MAF: variants seen among roughly 807,000 people sequenced by gnomAD.
The protein encoded by MAF is transcription factor Maf.
In MAF, 10 loss-of-function variants were observed where a neutral mutation model predicts 22.0. The ratio of observed to expected loss-of-function variants is 0.45; its 90% confidence interval spans 0.28 to 0.77. The LOEUF is 0.77. Ranked by LOEUF, MAF falls within the 30% of genes least tolerant of loss-of-function variation. The probability of loss-of-function intolerance (pLI) is 0.12; values close to 1 mark genes in which losing one functional copy is unlikely to be tolerated. For synonymous variants in MAF, 337 were observed against 255.8 expected (o/e 1.32, Z -3.03); for missense variants, 544 against 548.4 (o/e 0.99, Z 0.08).
chr16:79,544,642 C>T, the MAF span, among the ~76,000 whole-genome samples: 193 of 151,796 alleles, frequency 1.3e-3, 1 homozygote, highest in African/African-American at 4.1e-3. Flanking sequence ...GGCGTGGTGG[C>T]AGGTACCTGT....
chr16:79,262,258 A>T, the MAF span, among the ~76,000 whole-genome samples: 1 of 152,188 alleles, frequency 6.6e-6, no homozygotes, highest in Non-Finnish European at 1.5e-5. Context: ...GCCAGTAGGT[A>T]TCGTCACTGG....
At chr16:79,393,942 G>A in the MAF span, among the ~76,000 whole-genome samples, 1 of 152,174 alleles carries the variant, frequency 6.6e-6, no homozygotes, top group East Asian at 1.9e-4. Context: ...CCATGTGCCA[G>A]GTACAGTGCA....
At chr16:79,503,332 C>A in the MAF span, among the ~76,000 whole-genome samples, 4 of 152,060 alleles carry the variant, frequency 2.6e-5, no homozygotes, top group Non-Finnish European at 4.4e-5. Context: ...AACCACAAAG[C>A]GACCATCATT....
At chr16:79,300,164 A>G in the MAF span, among the ~76,000 whole-genome samples, 1 of 152,244 alleles carries the variant, frequency 6.6e-6, no homozygotes, top group African/African-American at 2.4e-5. Context: ...ATAATGGCTA[A>G]TGATTGTTTC....
chr16:79,550,577 G>C, the MAF span, among the ~76,000 whole-genome samples: 12 of 152,272 alleles, frequency 7.9e-5, no homozygotes, highest in African/African-American at 2.6e-4. Flanking sequence ...ATGCAAAAAG[G>C]AGAGAAAATG....
the MAF span, among the ~76,000 whole-genome samples, chr16:79,225,094 G>A: frequency 6.6e-6 from 1 of 152,140 alleles, no homozygotes; most frequent in African/African-American, 2.4e-5. Context: ...GAGGCATCAT[G>A]CTGCCTGACT....
the MAF span, among the ~76,000 whole-genome samples, chr16:79,364,446 G>C: frequency 6.6e-6 from 1 of 152,182 alleles, no homozygotes; most frequent in Non-Finnish European, 1.5e-5. Context: ...GGCTGGGTGG[G>C]TGGCAGTGTC....
chr16:79,266,456 C>G, the MAF span, among the ~76,000 whole-genome samples: 1 of 152,062 alleles, frequency 6.6e-6, no homozygotes, highest in Non-Finnish European at 1.5e-5. Flanking sequence ...AAGAGCATCT[C>G]TGGCTGTTAT....
the MAF span, among the ~76,000 whole-genome samples, chr16:79,473,047 G>C: frequency 6.6e-6 from 1 of 152,140 alleles, no homozygotes; most frequent in Non-Finnish European, 1.5e-5. Flanking sequence ...ACTACAGGTT[G>C]TGATAAGGGG....
chr16:79,220,926 T>C, the MAF span, among the ~76,000 whole-genome samples: 1 of 152,206 alleles, frequency 6.6e-6, no homozygotes, highest in Non-Finnish European at 1.5e-5. Context: ...GAGATGCCAT[T>C]AAAGTTCCTG....
At chr16:79,319,536 T>C in the MAF span, among the ~76,000 whole-genome samples, 1 of 152,136 alleles carries the variant, frequency 6.6e-6, no homozygotes, top group Non-Finnish European at 1.5e-5. Flanking sequence ...AATAGAAAAT[T>C]TGGGCTGTAA....
At chr16:79,556,460 A>T in the MAF span, among the ~76,000 whole-genome samples, 1 of 152,196 alleles carries the variant, frequency 6.6e-6, no homozygotes, top group Admixed American at 6.5e-5. Context: ...GTCCCTGGCC[A>T]TTGTTGCCTG....
the MAF span, among the ~76,000 whole-genome samples, chr16:79,523,731 A>C: frequency 2.2e-4 from 34 of 152,218 alleles, no homozygotes; most frequent in Non-Finnish European, 4.6e-4. Context: ...TGAGATGCAG[A>C]GATTAAATAA....
chr16:79,425,663 A>ATTT, the MAF span, among the ~76,000 whole-genome samples: 4 of 145,520 alleles, frequency 2.7e-5, no homozygotes, highest in East Asian at 2.0e-4. Flanking sequence ...ATCAATTTAG[A>ATTT]TTTTTTTTTT....
At chr16:79,220,121 T>C in the MAF span, among the ~76,000 whole-genome samples, 1 of 151,872 alleles carries the variant, frequency 6.6e-6, no homozygotes, top group African/African-American at 2.4e-5. Context: ...CCGGGTGTGG[T>C]GGTGGGCACC....
At chr16:79,595,897 T>G in intron 1 of MAF, 2 of 1,058,488 alleles carry the variant, frequency 1.9e-6, no homozygotes, top group Non-Finnish European at 2.3e-6. Context: ...TTTTTCCTAT[T>G]TAAGACAAAT....
At chr16:79,233,800 T>G in the MAF span, among the ~76,000 whole-genome samples, 3 of 152,022 alleles carry the variant, frequency 2.0e-5, no homozygotes, top group African/African-American at 7.2e-5. Flanking sequence ...GAGACCAGCC[T>G]GACCAACATG....
the MAF span, among the ~76,000 whole-genome samples, chr16:79,550,368 C>T: frequency 2.0e-5 from 3 of 152,054 alleles, no homozygotes; most frequent in African/African-American, 4.8e-5. Flanking sequence ...GACAGACACA[C>T]CCCTAAAGAC....
the MAF span, among the ~76,000 whole-genome samples, chr16:79,474,586 C>T: frequency 3.9e-5 from 6 of 152,102 alleles, no homozygotes; most frequent in Admixed American, 2.0e-4. Context: ...GCAGGGAGAG[C>T]CTCAGGTGTT....
Sources: allele counts gnomAD v4.1 joint callset (sites outside exome capture counted in the v4.1 genomes callset), GRCh38; gene constraint gnomAD v4.1.1; transcripts MANE v1.5; gene names NCBI Gene and HGNC (gene_info 2026-07-23, HGNC 2026-07-21).